STAG1: variants seen among roughly 807,000 people sequenced by gnomAD.
STAG1 encodes the protein cohesin subunit SA-1.
A neutral mutation model predicts 170.9 loss-of-function variants in STAG1; 26 were observed. The ratio of observed to expected loss-of-function variants is 0.15; its 90% CI spans 0.11 to 0.21. The LOEUF is 0.21. Ranked by LOEUF, STAG1 falls within the 10% of genes least tolerant of loss-of-function variation. STAG1 has a pLI of 1.00. For missense variants in STAG1, 964 were observed against 1,509.5 expected, an observed-to-expected ratio of 0.64 and a Z score of 5.99; for synonymous variants, 514 against 497.7, an observed-to-expected ratio of 1.03 and a Z score of -0.44.
At chr3:136,627,846 T>C (rs1319755956) in intron 2 of STAG1, among the ~76,000 whole-genome samples, 4 of 152,186 alleles carry the variant, frequency 2.6e-5, no homozygotes, top group Non-Finnish European at 5.9e-5. Flanking sequence ...GTCTACCTCT[T>C]TCTATCTCCA....
intron 16 of STAG1, among the ~76,000 whole-genome samples, chr3:136,428,916 C>G (rs1233813333): frequency 6.6e-6 from 1 of 152,192 alleles, no homozygotes; most frequent in African/African-American, 2.4e-5. Context: ...GGGAGAATCA[C>G]CTGAGGAAAG....
At chr3:136,341,365 G>A (rs1306037098) in intron 31 of STAG1, 76 bp downstream of exon 31, 2 of 993,866 alleles carry the variant, frequency 2.0e-6, no homozygotes, top group African/African-American at 3.2e-5. Flanking sequence ...AAACATCAAA[G>A]AAACCCAAGT....
intron 15 of STAG1, among the ~76,000 whole-genome samples, chr3:136,438,171 A>G (rs1216243488): frequency 1.3e-5 from 2 of 148,716 alleles, no homozygotes; most frequent in African/African-American, 5.0e-5. Context: ...TGAAACTGTT[A>G]TTTCCTCTAT....
intron 33 of STAG1, 29 bp downstream of exon 33, chr3:136,338,341 A>G: frequency 6.3e-7 from 1 of 1,596,410 alleles, no homozygotes; most frequent in Non-Finnish European, 8.6e-7. Flanking sequence ...GGAACCATAA[A>G]TAAAAAGCAG....
chr3:136,742,841 T>C (rs1335915894), intron 1 of STAG1, among the ~76,000 whole-genome samples: 2 of 151,914 alleles, frequency 1.3e-5, no homozygotes, highest in Non-Finnish European at 2.9e-5. Flanking sequence ...AAAGTCTGAG[T>C]AATGTAGCAG....
intron 1 of STAG1, among the ~76,000 whole-genome samples, chr3:136,670,805 A>G (rs1225033275): frequency 6.6e-6 from 1 of 152,052 alleles, no homozygotes; most frequent in Non-Finnish European, 1.5e-5. Flanking sequence ...TATATTTTCA[A>G]GTAAAATCAT....
intron 1 of STAG1, among the ~76,000 whole-genome samples, chr3:136,746,530 C>T (rs1485857482): frequency 6.6e-6 from 1 of 152,130 alleles, no homozygotes; most frequent in Non-Finnish European, 1.5e-5. Flanking sequence ...CCTTGGCTAA[C>T]CTGTCTTAAT....
intron 23 of STAG1, among the ~76,000 whole-genome samples, chr3:136,370,061 CTATACTATACTATACTAT>C (rs1560064410): frequency 6.3e-5 from 2 of 31,642 alleles, no homozygotes; most frequent in African/African-American, 6.2e-4. Flanking sequence ...CTATACTATA[CTATACTATACTATACTAT>C]ACTATACTAT....
chr3:136,691,192 T>G (rs1215015651), intron 1 of STAG1, among the ~76,000 whole-genome samples: 1 of 151,658 alleles, frequency 6.6e-6, no homozygotes, highest in Non-Finnish European at 1.5e-5. Context: ...TCCCAGCACT[T>G]TGGGAGGCCA....
intron 9 of STAG1, among the ~76,000 whole-genome samples, chr3:136,491,060 T>G (rs1187169242): frequency 6.6e-6 from 1 of 152,188 alleles, no homozygotes; most frequent in Non-Finnish European, 1.5e-5. Context: ...AGTTTCTGTT[T>G]AACTAATTTT....
intron 1 of STAG1, among the ~76,000 whole-genome samples, chr3:136,688,823 G>GT: frequency 6.6e-6 from 1 of 152,170 alleles, no homozygotes; most frequent in Admixed American, 6.5e-5. Context: ...TTTTAAAGAT[G>GT]AAAGTTTGTG....
intron 21 of STAG1, among the ~76,000 whole-genome samples, chr3:136,417,095 G>A (rs1559788083): frequency 6.6e-6 from 1 of 152,124 alleles, no homozygotes; most frequent in South Asian, 2.1e-4. Flanking sequence ...GATCCACCCT[G>A]CCTTGGCTTC....
intron 9 of STAG1, among the ~76,000 whole-genome samples, chr3:136,479,096 C>CT (rs1459679343): frequency 3.4e-5 from 4 of 118,870 alleles, no homozygotes; most frequent in Non-Finnish European, 7.1e-5. Flanking sequence ...TTTTATTATA[C>CT]TTTAAGTTTT....
At chr3:136,504,680 T>G (rs547391874) in intron 7 of STAG1, among the ~76,000 whole-genome samples, 1 of 152,210 alleles carries the variant, frequency 6.6e-6, no homozygotes, top group Non-Finnish European at 1.5e-5. Flanking sequence ...AGTATCTACC[T>G]CTACATACCT....
intron 3 of STAG1, among the ~76,000 whole-genome samples, chr3:136,605,708 T>G (rs1189480148): frequency 6.6e-6 from 1 of 152,210 alleles, no homozygotes; most frequent in African/African-American, 2.4e-5. Flanking sequence ...TCCAATGAGA[T>G]AAGTGTCTCC....
At chr3:136,537,804 C>G (rs529070490) in intron 6 of STAG1, among the ~76,000 whole-genome samples, 1 of 152,120 alleles carries the variant, frequency 6.6e-6, no homozygotes, top group African/African-American at 2.4e-5. Flanking sequence ...CCAATAGTAT[C>G]TATTTTTAAC....
intron 28 of STAG1, among the ~76,000 whole-genome samples, chr3:136,354,958 A>G (rs1462071070): frequency 6.6e-6 from 1 of 152,118 alleles, no homozygotes; most frequent in Non-Finnish European, 1.5e-5. Context: ...AACAGTAGTC[A>G]AAATAAAGCT....
chr3:136,699,893 G>C (rs578147288), intron 1 of STAG1, among the ~76,000 whole-genome samples: 237 of 152,050 alleles, frequency 1.6e-3, no homozygotes, highest in Non-Finnish European at 2.5e-3. Flanking sequence ...CAGATGAAGC[G>C]GTAAGAAATT....
intron 21 of STAG1, 71 bp downstream of exon 21, chr3:136,417,814 T>C (rs891154049): frequency 8.8e-7 from 1 of 1,136,424 alleles, no homozygotes; most frequent in African/African-American, 1.5e-5. Context: ...ATAAAAGGCT[T>C]CTGATAATCA....
Sources: allele counts gnomAD v4.1 joint callset (sites outside exome capture counted in the v4.1 genomes callset), GRCh38; gene constraint gnomAD v4.1.1; transcripts MANE v1.5; gene names NCBI Gene and HGNC (gene_info 2026-07-23, HGNC 2026-07-21).